UBXN2A: variants seen among roughly 807,000 people sequenced by gnomAD.
UBXN2A encodes UBX domain protein 2A.
In UBXN2A, 28 loss-of-function variants were observed where a neutral mutation model predicts 28.4. The observed-to-expected ratio is 0.99, with a 90% CI of 0.73 to 1.35. The LOEUF is 1.35. UBXN2A is among the 40% of genes most tolerant of loss of function. UBXN2A has a pLI of 0.00. For synonymous variants in UBXN2A, 97 were observed against 103.6 expected, an observed-to-expected ratio of 0.94 and a Z score of 0.39; for missense variants, 253 against 297.9, an observed-to-expected ratio of 0.85 and a Z score of 1.11.
intron 1 of UBXN2A, among the ~76,000 whole-genome samples, chr2:23,957,919 C>T (rs962581661): frequency 1.4e-4 from 22 of 152,106 alleles, no homozygotes; most frequent in Admixed American, 4.6e-4. Flanking sequence ...TGAGCCACTG[C>T]GCCTAGCCAT....
intron 2 of UBXN2A, among the ~76,000 whole-genome samples, chr2:23,962,591 T>G (rs1706976605): frequency 6.6e-6 from 1 of 151,674 alleles, no homozygotes; most frequent in Admixed American, 6.6e-5. Context: ...AGGTTTTTTT[T>G]TCCTTTTTTT....
At chr2:23,966,956 G>C (rs879898168) in intron 2 of UBXN2A, among the ~76,000 whole-genome samples, 1 of 151,010 alleles carries the variant, frequency 6.6e-6, no homozygotes, top group Non-Finnish European at 1.5e-5. Context: ...ATGGGATTTC[G>C]CCATGTTGCC....
intron 1 of UBXN2A, among the ~76,000 whole-genome samples, chr2:23,929,814 T>A (rs536421469): frequency 6.6e-6 from 1 of 152,328 alleles, no homozygotes; most frequent in East Asian, 1.9e-4. Context: ...TTTGTGTGTG[T>A]TTATTTGTTT....
rs145405960 is a variant in UBXN2A at position 23,988,945 on chromosome 2, A to G, written c.584+4114A>G. Among the ~76,000 whole-genome samples, 67 of 152,260 alleles carry G rather than the reference A, an allele frequency of 4.4e-4. 2 individuals carry two copies. In the East Asian group the frequency reaches 9.8e-3, roughly 22 times the overall value. On this transcript the variant is annotated intron_variant, in intron 6 of 6. Coordinates refer to ENST00000309033, the MANE Select transcript of UBXN2A (RefSeq NM_181713.4). Reference sequence around the variant, plus strand: ...TGAACATTTCCTTGTTTTCAGCACAAAATTTTTTTTCAAGTTCATTCTACG... The same window carrying G: ...TGAACATTTCCTTGTTTTCAGCACAGAATTTTTTTTCAAGTTCATTCTACG...
At chr2:23,963,486 A>G (rs1707028293) in intron 2 of UBXN2A, among the ~76,000 whole-genome samples, 1 of 151,360 alleles carries the variant, frequency 6.6e-6, no homozygotes, top group Admixed American at 6.6e-5. Context: ...AAAAAAAAAA[A>G]GAGAAAAGTG....
At chr2:23,949,972 T>C (rs1706281584) in intron 1 of UBXN2A, among the ~76,000 whole-genome samples, 1 of 151,874 alleles carries the variant, frequency 6.6e-6, no homozygotes, top group East Asian at 1.9e-4. Flanking sequence ...TTTTAATGTA[T>C]CCATCACTGG....
chr2:23,961,539 CTTTTTT>C (rs71395167), intron 2 of UBXN2A, among the ~76,000 whole-genome samples: 22 of 51,282 alleles, frequency 4.3e-4, no homozygotes, highest in Non-Finnish European at 1.7e-4. Context: ...AGAAAACTGC[CTTTTTT>C]TTTTTTTTTT....
chr2:23,948,264 T>G (rs1232666550), intron 1 of UBXN2A, among the ~76,000 whole-genome samples: 1 of 150,588 alleles, frequency 6.6e-6, no homozygotes, highest in East Asian at 1.9e-4. Flanking sequence ...CTTTTTTTTT[T>G]TTTTTTGAGA....
chr2:23,938,620 A>G (rs1350556821), upstream of UBXN2A, among the ~76,000 whole-genome samples: 1 of 151,440 alleles, frequency 6.6e-6, no homozygotes, highest in Non-Finnish European at 1.5e-5. Context: ...TGCAAGCGAC[A>G]AAACAATCTT....
chr2:23,987,862 G>A (rs906982244), intron 6 of UBXN2A, among the ~76,000 whole-genome samples: 3 of 151,532 alleles, frequency 2.0e-5, no homozygotes, highest in African/African-American at 4.8e-5. Context: ...AGTGGCTCAC[G>A]CCTATAATCC....
intron 2 of UBXN2A, among the ~76,000 whole-genome samples, chr2:23,969,640 C>T (rs12617474): frequency 0.12 from 18,322 of 152,136 alleles, 1,196 homozygotes; most frequent in Middle Eastern, 0.21. Context: ...GGATTACAGG[C>T]ATGAGCCACT....
intron 1 of UBXN2A, among the ~76,000 whole-genome samples, chr2:23,943,305 G>C (rs1305495394): frequency 6.6e-6 from 1 of 151,972 alleles, no homozygotes; most frequent in Non-Finnish European, 1.5e-5. Flanking sequence ...AACTGGATTG[G>C]ATGGGGACAA....
chr2:23,984,800 AG>A lies in UBXN2A; in HGVS notation c.555del (p.Ile186LeufsTer11). 6.4e-7 allele frequency: 1 copy of A among 1,556,884 alleles called. No homozygotes were observed. The highest frequency in any genetic ancestry group is 8.6e-7 in the Non-Finnish European group (1 of 1,162,690). On this transcript the variant is annotated frameshift_variant, in exon 6 of 7. Coordinates refer to ENST00000309033, the MANE Select transcript of UBXN2A (RefSeq NM_181713.4). LOFTEE classifies it high-confidence loss of function. ...NIQIWLANGK[R>X]IVQKFNITHR... ...ACAGATCTGGTTGGCCAATGGAAAA[AG>A]GATTGTCCAGAAATTTAACATTACT...
At chr2:23,930,316 A>G (rs979103407) in intron 1 of UBXN2A, among the ~76,000 whole-genome samples, 1 of 152,166 alleles carries the variant, frequency 6.6e-6, no homozygotes, top group African/African-American at 2.4e-5. Context: ...GGTATTAGGT[A>G]CTCTGCTAGG....
Position 23,987,635 on chromosome 2 carries a change from G to A in UBXN2A, c.584+2804G>A, listed in dbSNP as rs564524428. Among the ~76,000 whole-genome samples, 185 of 151,800 alleles carry A rather than the reference G, an allele frequency of 1.2e-3. 1 individual carries two copies. Among genetic ancestry groups the A allele is most frequent in the African/African-American group, 4.0e-3 (167 of 41,380 alleles). Reference sequence around the variant, plus strand: ...CTACTAAAAATACAAAAAATTAGCCGGGCGTGGTGGCAAGTGCCTGTAGTC... The same window carrying A: ...CTACTAAAAATACAAAAAATTAGCCAGGCGTGGTGGCAAGTGCCTGTAGTC... On this transcript the variant is annotated intron_variant, in intron 6 of 6. Transcript: ENST00000309033.
At chr2:23,978,186 C>G (rs1341777772) in intron 4 of UBXN2A, among the ~76,000 whole-genome samples, 1 of 152,154 alleles carries the variant, frequency 6.6e-6, no homozygotes, top group Non-Finnish European at 1.5e-5. Flanking sequence ...CCAAATCTTA[C>G]TTAAACTAAT....
intron 1 of UBXN2A, among the ~76,000 whole-genome samples, chr2:23,942,002 G>A (rs1275206672): frequency 6.6e-6 from 1 of 152,078 alleles, no homozygotes; most frequent in Non-Finnish European, 1.5e-5. Context: ...AGCTTGAGCC[G>A]GCGAGAGGTA....
At chr2:23,951,641 A>C (rs1156596988) in intron 1 of UBXN2A, among the ~76,000 whole-genome samples, 1 of 151,692 alleles carries the variant, frequency 6.6e-6, no homozygotes, top group Non-Finnish European at 1.5e-5. Flanking sequence ...TTGTGTTTTT[A>C]GTAGAGACGG....
At chr2:23,976,394 C>T (rs1031160343) in intron 3 of UBXN2A, among the ~76,000 whole-genome samples, 21 of 152,108 alleles carry the variant, frequency 1.4e-4, no homozygotes, top group Admixed American at 1.2e-3. Context: ...ATCGCTTCCC[C>T]CTTATATTTT....
Sources: gnomAD v4.1 joint callset for allele counts (sites outside exome capture counted in the v4.1 genomes callset) on GRCh38, gnomAD v4.1.1 for gene constraint, MANE v1.5 for transcripts, NCBI Gene and HGNC (gene_info 2026-07-23, HGNC 2026-07-21) for gene names.